Variants in USP30 observed in about 807,000 individuals in gnomAD.
USP30 encodes the protein ubiquitin specific peptidase 30, also known as ubiquitin carboxyl-terminal hydrolase 30.
A neutral mutation model predicts 68.2 loss-of-function variants in USP30; 41 were observed. That is an observed-to-expected ratio of 0.60 (90% CI 0.47 to 0.78). The LOEUF is 0.78. Ranked by LOEUF, USP30 falls within the 30% of genes least tolerant of loss-of-function variation. The pLI, the probability that USP30 is intolerant of heterozygous loss-of-function variation, is 0.00. For synonymous variants in USP30, 229 were observed against 253.7 expected (o/e 0.90, Z 0.93); for missense variants, 522 against 649.4 (o/e 0.80, Z 2.13).
chr12:109,047,137 A>G (rs1445854101), intron 3 of USP30, among the ~76,000 whole-genome samples: 1 of 151,462 alleles, frequency 6.6e-6, no homozygotes, highest in African/African-American at 2.4e-5. Flanking sequence ...TACTCCTCCA[A>G]CGGGTTTAGT....
At chr12:109,054,410 A>C (rs1271455421) in intron 1 of USP30, among the ~76,000 whole-genome samples, 1 of 152,000 alleles carries the variant, frequency 6.6e-6, no homozygotes, top group South Asian at 2.1e-4. Flanking sequence ...GGTCCCAGCT[A>C]CTTGGGAGGC....
intron 3 of USP30, among the ~76,000 whole-genome samples, chr12:109,040,540 G>A (rs1318307881): frequency 6.6e-6 from 1 of 152,230 alleles, no homozygotes; most frequent in Admixed American, 6.5e-5. Context: ...AAGAGCAGCT[G>A]AGTTGGCTGG....
chr12:109,055,561 A>G (rs2040844348), intron 1 of USP30, among the ~76,000 whole-genome samples: 1 of 147,836 alleles, frequency 6.8e-6, no homozygotes, highest in Non-Finnish European at 1.5e-5. Context: ...CACCACACCC[A>G]GCTAATTTTT....
chr12:109,031,919 C>T (rs561713664), intron 3 of USP30, among the ~76,000 whole-genome samples: 1 of 151,870 alleles, frequency 6.6e-6, no homozygotes, highest in Non-Finnish European at 1.5e-5. Flanking sequence ...GCCCTGACAA[C>T]ATAGCAAGAC....
At chr12:109,026,162 A>G (rs997199148) in intron 2 of USP30, among the ~76,000 whole-genome samples, 10 of 151,530 alleles carry the variant, frequency 6.6e-5, no homozygotes, top group Non-Finnish European at 1.5e-4. Flanking sequence ...TGCTACCTCC[A>G]CTTCCCAGGC....
intron 3 of USP30, among the ~76,000 whole-genome samples, chr12:109,046,912 G>C (rs986937665): frequency 6.6e-6 from 1 of 152,072 alleles, no homozygotes; most frequent in African/African-American, 2.4e-5. Flanking sequence ...GGCCAGGCTG[G>C]TCTCGAACTC....
chr12:109,040,138 G>A (rs1433693976), intron 3 of USP30, among the ~76,000 whole-genome samples: 2 of 151,892 alleles, frequency 1.3e-5, no homozygotes, highest in Non-Finnish European at 2.9e-5. Context: ...ACAGGTTGAT[G>A]AATAAAATAG....
intron 3 of USP30, among the ~76,000 whole-genome samples, chr12:109,041,249 GA>G (rs1255369642): frequency 6.6e-6 from 1 of 152,154 alleles, no homozygotes; most frequent in African/African-American, 2.4e-5. Context: ...TCTTGCTGGG[GA>G]AAACAACCCA....
At position 109,052,637 on chromosome 12, in the gene USP30, C is replaced by CGGTAGCGGAGGA. The variant is rs1311818015; in HGVS notation, c.-40_-29dup. The CGGTAGCGGAGGA allele has an allele frequency of 2.8e-6, 4 of 1,449,812 alleles. No individual in the cohort carries two copies. Among genetic ancestry groups the CGGTAGCGGAGGA allele is most frequent in the Non-Finnish European group, 3.6e-6 (4 of 1,106,164 alleles). The allele number at this position is 1,449,812 out of a possible 1,614,324, so 89.8% of individuals were successfully genotyped here. A position where few individuals can be genotyped will look rare whatever the true frequency, so the allele number is the denominator to read the frequency against. ...TCCCTCGGTCCGGCGGCGGCGGCGG[C>CGGTAGCGGAGGA]GGTAGCGGAGGAGACGGTTTCAGGC... On this transcript the variant is annotated 5_prime_UTR_variant, in exon 1 of 13. Transcript: ENST00000257548.
chr12:109,081,049 G>A (rs2041781499), intron 7 of USP30, among the ~76,000 whole-genome samples: 1 of 152,154 alleles, frequency 6.6e-6, no homozygotes, highest in Non-Finnish European at 1.5e-5. Context: ...GAATATTCTT[G>A]TAGTTATGCC....
chr12:109,050,563 C>T (rs541252058), upstream of USP30, among the ~76,000 whole-genome samples: 7 of 152,144 alleles, frequency 4.6e-5, no homozygotes, highest in East Asian at 1.9e-4. Context: ...AGTCTGGAGT[C>T]GGAGAAAGCG....
At chr12:109,047,021 T>C (rs1277407550) in intron 3 of USP30, among the ~76,000 whole-genome samples, 1 of 152,138 alleles carries the variant, frequency 6.6e-6, no homozygotes, top group Non-Finnish European at 1.5e-5. Context: ...GATCCAGACC[T>C]CAAACCAAAG....
chr12:109,055,560 C>T (rs560505459), intron 1 of USP30, among the ~76,000 whole-genome samples: 1 of 148,174 alleles, frequency 6.7e-6, no homozygotes, highest in South Asian at 2.2e-4. Context: ...CCACCACACC[C>T]AGCTAATTTT....
chr12:109,041,190 A>T (rs1286414246), intron 3 of USP30, among the ~76,000 whole-genome samples: 1 of 152,246 alleles, frequency 6.6e-6, no homozygotes, highest in Non-Finnish European at 1.5e-5. Flanking sequence ...CTGAAGACTT[A>T]TGGGATTTCT....
chr12:109,050,968 C>T (rs1050662647), upstream of USP30, among the ~76,000 whole-genome samples: 1 of 151,920 alleles, frequency 6.6e-6, no homozygotes, highest in Non-Finnish European at 1.5e-5. Flanking sequence ...GCAGCCTGGG[C>T]GGCAGAGCAA....
intron 1 of USP30, among the ~76,000 whole-genome samples, chr12:109,023,836 T>C (rs2040425141): frequency 6.6e-6 from 1 of 151,788 alleles, no homozygotes; most frequent in Non-Finnish European, 1.5e-5. Flanking sequence ...GGTTTCACCA[T>C]CTTGGCCAGG....
chr12:109,038,323 A>G (rs2135669090), intron 3 of USP30, among the ~76,000 whole-genome samples: 1 of 151,706 alleles, frequency 6.6e-6, no homozygotes, highest in East Asian at 1.9e-4. Context: ...TGTCTCTGTC[A>G]AGGACATAAT....
At chr12:109,052,193 T>C (rs1420260219), upstream of USP30, among the ~76,000 whole-genome samples, 1 of 152,242 alleles carries the variant, frequency 6.6e-6, no homozygotes, top group Non-Finnish European at 1.5e-5. Context: ...TCTACTGATA[T>C]CGTCAGAGAT....
chr12:109,055,880 T>C (rs1363681158), intron 1 of USP30, among the ~76,000 whole-genome samples: 2 of 150,556 alleles, frequency 1.3e-5, no homozygotes, highest in Non-Finnish European at 3.0e-5. Context: ...AGAAGGTGGT[T>C]AAGTTCTATG....
Sources: gnomAD v4.1 joint callset for allele counts (sites outside exome capture counted in the v4.1 genomes callset) on GRCh38, gnomAD v4.1.1 for gene constraint, MANE v1.5 for transcripts, NCBI Gene and HGNC (gene_info 2026-07-23, HGNC 2026-07-21) for gene names.